Variants in CX3CR1 observed in about 807,000 individuals in gnomAD.
CX3CR1 encodes CX3C chemokine receptor 1.
For missense variants in CX3CR1, 363 were observed against 432.4 expected, an observed-to-expected ratio of 0.84 and a Z score of 1.42; for synonymous variants, 168 against 178.5, an observed-to-expected ratio of 0.94 and a Z score of 0.47.
At chr3:39,267,391 AC>A (rs1395801438) in intron 1 of CX3CR1, among the ~76,000 whole-genome samples, 4 of 152,072 alleles carry the variant, frequency 2.6e-5, no homozygotes, top group Non-Finnish European at 5.9e-5. Context: ...GCAGAACAGC[AC>A]CCGGAAGCCC....
At chr3:39,292,555 A>C in the CX3CR1 span, among the ~76,000 whole-genome samples, 1 of 152,208 alleles carries the variant, frequency 6.6e-6, no homozygotes, top group Non-Finnish European at 1.5e-5. Context: ...CACAGAGATA[A>C]TAACAGTTAA....
chr3:39,265,784 G>A lies in CX3CR1; in HGVS notation c.726C>T (p.Leu242=). The A allele has an allele frequency of 6.2e-7, 1 of 1,614,160 alleles. No homozygotes were observed. Among genetic ancestry groups the A allele is most frequent in the Non-Finnish European group, 8.5e-7 (1 of 1,180,030 alleles). ...LILLVVIVFF[L]FWTPYNVMIF... ...TCATAACGTTGTAGGGTGTCCAGAAGAGGAAAAACACGATGACCACCAGAA... is the reference window on the plus strand; with the variant it reads ...TCATAACGTTGTAGGGTGTCCAGAAAAGGAAAAACACGATGACCACCAGAA... The change falls in exon 2 of 2, where the codon CTC becomes CTT. Residue 242 remains leucine, a synonymous_variant. Coordinates refer to ENST00000399220, the MANE Select transcript of CX3CR1 (RefSeq NM_001337.4).
the CX3CR1 span, among the ~76,000 whole-genome samples, chr3:39,288,458 AGATAC>A: frequency 6.6e-6 from 1 of 152,198 alleles, no homozygotes; most frequent in African/African-American, 2.4e-5. Flanking sequence ...TACAGTCATC[AGATAC>A]AGGAGTGAGC....
chr3:39,268,658 G>C (rs2040734283), intron 1 of CX3CR1, among the ~76,000 whole-genome samples: 1 of 152,160 alleles, frequency 6.6e-6, no homozygotes, highest in African/African-American at 2.4e-5. Flanking sequence ...ATGTGCCTGT[G>C]GTCGGTCCTT....
chr3:39,273,571 T>C (rs1476950310), intron 1 of CX3CR1, among the ~76,000 whole-genome samples: 3 of 152,210 alleles, frequency 2.0e-5, no homozygotes, highest in Non-Finnish European at 4.4e-5. Flanking sequence ...AATTAAAGCA[T>C]TGGACCAGAC....
chr3:39,285,563 A>G (rs2040937887), upstream of CX3CR1, among the ~76,000 whole-genome samples: 1 of 152,250 alleles, frequency 6.6e-6, no homozygotes, highest in Non-Finnish European at 1.5e-5. Flanking sequence ...CATAGCAAAC[A>G]GGATCTGGCA....
the CX3CR1 span, among the ~76,000 whole-genome samples, chr3:39,290,049 G>A: frequency 6.6e-6 from 1 of 152,206 alleles, no homozygotes; most frequent in Non-Finnish European, 1.5e-5. Flanking sequence ...TAGTTTGTGG[G>A]CTGAAGACCA....
At chr3:39,281,691 C>T, upstream of CX3CR1, 1 of 1,598,150 alleles carries the variant, frequency 6.3e-7, no homozygotes, top group East Asian at 2.2e-5. Flanking sequence ...CAGGGGTTCT[C>T]TCATCCTGGT....
At chr3:39,275,437 T>C (rs2040828491) in intron 1 of CX3CR1, among the ~76,000 whole-genome samples, 1 of 152,226 alleles carries the variant, frequency 6.6e-6, no homozygotes, top group African/African-American at 2.4e-5. Context: ...GCCAGTTAGC[T>C]AACACAAGTG....
intron 1 of CX3CR1, among the ~76,000 whole-genome samples, chr3:39,273,107 G>A (rs2040798471): frequency 6.6e-6 from 1 of 152,260 alleles, no homozygotes. Flanking sequence ...CTCCCTGGAG[G>A]GGAAATCTGC....
Position 39,265,122 on chromosome 3 carries a change from C to A in CX3CR1, c.*320G>T. The A allele has an allele frequency of 4.3e-6, 1 of 231,384 alleles. No individual in the cohort carries two copies. 14.3% of individuals were successfully genotyped at this position (231,384 alleles called of 1,614,324 possible). A position where few individuals can be genotyped will look rare whatever the true frequency, so the allele number is the denominator to read the frequency against. On this transcript the variant is annotated 3_prime_UTR_variant, in exon 2 of 2. Transcript: ENST00000399220. The stretch of plus-strand genomic sequence containing the variant: ...CTTTGAGGGCTCAGACACCCTTTTG[C>A]TTGTGCCACAATATGAACAATATTC...
chr3:39,276,126 G>T (rs1392190636), intron 1 of CX3CR1, among the ~76,000 whole-genome samples: 4 of 152,148 alleles, frequency 2.6e-5, no homozygotes, highest in Non-Finnish European at 5.9e-5. Flanking sequence ...GGTGGAGTTG[G>T]GAGGAGCCCA....
chr3:39,284,998 A>G (rs2040935085), upstream of CX3CR1, among the ~76,000 whole-genome samples: 2 of 152,188 alleles, frequency 1.3e-5, no homozygotes, highest in South Asian at 4.1e-4. Context: ...GAAGCAGAAA[A>G]AAAGTCTCTC....
At chr3:39,283,853 A>C (rs114966182), upstream of CX3CR1, among the ~76,000 whole-genome samples, 4 of 124,042 alleles carry the variant, frequency 3.2e-5, no homozygotes, top group African/African-American at 1.2e-4. Flanking sequence ...TGTGGTTAAT[A>C]GGCACAAAAA....
At chr3:39,273,712 C>T (rs2040806424) in intron 1 of CX3CR1, among the ~76,000 whole-genome samples, 1 of 152,228 alleles carries the variant, frequency 6.6e-6, no homozygotes, top group South Asian at 2.1e-4. Flanking sequence ...GATCATAGCT[C>T]ACTACAGCCT....
chr3:39,269,477 TG>T (rs1481745034), intron 1 of CX3CR1, among the ~76,000 whole-genome samples: 2 of 152,198 alleles, frequency 1.3e-5, no homozygotes, highest in Non-Finnish European at 2.9e-5. Context: ...GTCTTCTCAA[TG>T]GGGAAAATTC....
chr3:39,283,729 G>A (rs1257313098), upstream of CX3CR1, among the ~76,000 whole-genome samples: 8 of 140,914 alleles, frequency 5.7e-5, no homozygotes, highest in Non-Finnish European at 1.1e-4. Context: ...GCAGTGAGCC[G>A]AGATAGCGCC....
chr3:39,283,242 G>A (rs1487306822), upstream of CX3CR1, among the ~76,000 whole-genome samples: 4 of 152,108 alleles, frequency 2.6e-5, no homozygotes, highest in African/African-American at 4.8e-5. Flanking sequence ...GAGACAAGGA[G>A]GAGAAGTTAT....
chr3:39,266,583 T>C, intron 1 of CX3CR1, 65 bp from the exon 2 acceptor site: 1 of 1,500,400 alleles, frequency 6.7e-7, no homozygotes, highest in Non-Finnish European at 9.3e-7. Context: ...GAATTCTGTG[T>C]GGCCTCATAT....
Sources: gnomAD v4.1 joint callset for allele counts (sites outside exome capture counted in the v4.1 genomes callset) on GRCh38, gnomAD v4.1.1 for gene constraint, MANE v1.5 for transcripts, NCBI Gene and HGNC (gene_info 2026-07-23, HGNC 2026-07-21) for gene names.